STPG2: variants seen among roughly 807,000 people sequenced by gnomAD.
STPG2 encodes sperm-tail PG-rich repeat-containing protein 2.
In STPG2, 56 loss-of-function variants were observed where a neutral mutation model predicts 54.2. That is an observed-to-expected ratio of 1.03 (90% CI 0.83 to 1.29). The LOEUF is 1.29. STPG2 is among the 50% of genes most tolerant of loss of function. The probability of loss-of-function intolerance (pLI) is 0.00; values close to 1 mark genes in which losing one functional copy is unlikely to be tolerated. For missense variants in STPG2, 596 were observed against 544.9 expected, an observed-to-expected ratio of 1.09 and a Z score of -0.93; for synonymous variants, 200 against 181.8, an observed-to-expected ratio of 1.10 and a Z score of -0.81.
chr4:97,671,686 G>C (rs1190685704), intron 10 of STPG2, among the ~76,000 whole-genome samples: 1 of 152,136 alleles, frequency 6.6e-6, no homozygotes, highest in Non-Finnish European at 1.5e-5. Context: ...TTGGGCTAAA[G>C]GAGGCTGAAT....
chr4:98,023,444 A>G (rs1354990381), intron 5 of STPG2, among the ~76,000 whole-genome samples: 2 of 152,138 alleles, frequency 1.3e-5, no homozygotes, highest in Non-Finnish European at 2.9e-5. Context: ...ATCTGCCCCT[A>G]CTGGGGGTGC....
chr4:97,730,656 A>T (rs2149026377), intron 9 of STPG2, among the ~76,000 whole-genome samples: 1 of 152,320 alleles, frequency 6.6e-6, no homozygotes, highest in East Asian at 1.9e-4. Context: ...CAGAAATGCC[A>T]ATGAGTCATT....
At chr4:97,501,632 C>A (rs1730727409) in intron 4 of STPG2, among the ~76,000 whole-genome samples, 1 of 151,424 alleles carries the variant, frequency 6.6e-6, no homozygotes, top group African/African-American at 2.4e-5. Context: ...GAGGTCAAGG[C>A]TTCAGTGAGT....
At chr4:97,631,403 A>C (rs1419242705) in intron 10 of STPG2, among the ~76,000 whole-genome samples, 1 of 152,086 alleles carries the variant, frequency 6.6e-6, no homozygotes, top group East Asian at 1.9e-4. Context: ...TTCTGAAGTT[A>C]AAATTAGCTT....
intron 4 of STPG2, among the ~76,000 whole-genome samples, chr4:97,543,073 T>C (rs1206068551): frequency 5.3e-5 from 8 of 151,842 alleles, no homozygotes; most frequent in Admixed American, 4.6e-4. Context: ...TGTATATATA[T>C]GTAACAAACC....
intron 10 of STPG2, among the ~76,000 whole-genome samples, chr4:97,704,059 A>G (rs531020684): frequency 3.9e-5 from 6 of 152,134 alleles, no homozygotes; most frequent in Admixed American, 1.3e-4. Context: ...CTGTGCTGGC[A>G]GCTGATTAGA....
intron 5 of STPG2, among the ~76,000 whole-genome samples, chr4:98,039,282 T>G (rs1578804577): frequency 6.6e-6 from 1 of 151,560 alleles, no homozygotes; most frequent in African/African-American, 2.4e-5. Flanking sequence ...GGAGGAAAAC[T>G]AATTAAAACA....
At chr4:97,608,144 C>T (rs1408514484) in intron 10 of STPG2, among the ~76,000 whole-genome samples, 2 of 151,890 alleles carry the variant, frequency 1.3e-5, no homozygotes, top group Admixed American at 1.3e-4. Context: ...CAAGTGCAGT[C>T]GAGTCAGTTT....
At chr4:97,937,577 G>C (rs1341589929) in intron 8 of STPG2, among the ~76,000 whole-genome samples, 1 of 152,098 alleles carries the variant, frequency 6.6e-6, no homozygotes, top group Non-Finnish European at 1.5e-5. Context: ...GAACTTTTTT[G>C]TTGATGCTGT....
chr4:97,888,163 G>A (rs1189892803), intron 8 of STPG2, among the ~76,000 whole-genome samples: 2 of 152,188 alleles, frequency 1.3e-5, no homozygotes, highest in Non-Finnish European at 2.9e-5. Context: ...AGTGCAGAGG[G>A]AAAAAGTGGG....
At chr4:98,049,008 G>C (rs1014130974) in intron 5 of STPG2, 1 of 152,082 alleles carries the variant, frequency 6.6e-6, no homozygotes, top group Admixed American at 6.6e-5. Context: ...TACTGAAGGG[G>C]GTTCAGGAGA....
Position 98,033,896 on chromosome 4 carries a change from C to G in STPG2, c.613-52578G>C, listed in dbSNP as rs1736683913. 1.3e-5 allele frequency among the ~76,000 whole-genome samples: 2 copies of G among 152,116 alleles called. 1 individual carries two copies. Among genetic ancestry groups the G allele is most frequent in the Non-Finnish European group, 2.9e-5 (2 of 68,032 alleles). On this transcript the variant is annotated intron_variant, in intron 5 of 10. Coordinates refer to ENST00000295268, the MANE Select transcript of STPG2 (RefSeq NM_174952.3). ...TGCAGAAAAGGCCTTTGACAAAATT[C>G]AACACCCCTTAATGCTAAAAACTCT...
chr4:97,894,104 T>C (rs1578662264), intron 8 of STPG2, among the ~76,000 whole-genome samples: 1 of 152,018 alleles, frequency 6.6e-6, no homozygotes, highest in Non-Finnish European at 1.5e-5. Flanking sequence ...TCTAGATGTA[T>C]AAAAGTTTGG....
Position 97,712,815 on chromosome 4 carries a change from C to A in STPG2, c.1205-1G>T. ...AAAACAGGATTGTATGCTGCAGGAC[C>A]TGAGAGACAACAAATGTAAAAATTA... On this transcript the variant is annotated splice_acceptor_variant, in intron 9 of 10. Coordinates refer to ENST00000295268, the MANE Select transcript of STPG2 (RefSeq NM_174952.3). LOFTEE classifies it high-confidence loss of function. 1 of 1,559,850 alleles carries A rather than the reference C, an allele frequency of 6.4e-7. No homozygotes were observed. Among genetic ancestry groups the A allele is most frequent in the Non-Finnish European group, 8.7e-7 (1 of 1,150,884 alleles).
At position 97,669,514 on chromosome 4, in the gene STPG2, C is replaced by T. The variant is rs993302169; in HGVS notation, c.1320+43185G>A. 6.0e-4 allele frequency among the ~76,000 whole-genome samples: 63 copies of T among 104,332 alleles called. 23 individuals carry two copies. Among genetic ancestry groups the T allele is most frequent in the African/African-American group, 2.4e-3 (60 of 24,674 alleles). The allele number at this position is 104,332 out of a possible 152,430, so 68.4% of individuals were successfully genotyped here. ...TAACTTTTTCTTTGAAAGTTTATTG[C>T]GGCCGGGCGCGGTGGCTCACGCCTG... is the stretch of plus-strand genomic sequence containing the variant. On this transcript the variant is annotated intron_variant, in intron 10 of 10. Transcript: ENST00000295268.
chr4:97,550,867 G>A (rs1305942660), intron 4 of STPG2, among the ~76,000 whole-genome samples: 1 of 152,098 alleles, frequency 6.6e-6, no homozygotes, highest in Non-Finnish European at 1.5e-5. Context: ...CTCCCGGTGG[G>A]TTTGTGGTCT....
At chr4:97,789,922 C>T (rs1031428527) in intron 9 of STPG2, among the ~76,000 whole-genome samples, 6 of 152,092 alleles carry the variant, frequency 3.9e-5, no homozygotes, top group East Asian at 1.9e-4. Context: ...CTCCTTTTGC[C>T]GCTAAAAATG....
At chr4:97,528,176 A>T (rs977674933) in intron 4 of STPG2, among the ~76,000 whole-genome samples, 1 of 152,116 alleles carries the variant, frequency 6.6e-6, no homozygotes, top group South Asian at 2.1e-4. Context: ...TAATTTTTGT[A>T]TAAGGTGTAA....
chr4:97,567,260 A>G (rs1732477957), intron 10 of STPG2, among the ~76,000 whole-genome samples: 1 of 151,238 alleles, frequency 6.6e-6, no homozygotes, highest in African/African-American at 2.4e-5. Flanking sequence ...TTAAAACTGT[A>G]CTGAGAAACT....
Sources: gnomAD v4.1 joint callset for allele counts (sites outside exome capture counted in the v4.1 genomes callset) on GRCh38, gnomAD v4.1.1 for gene constraint, MANE v1.5 for transcripts, NCBI Gene and HGNC (gene_info 2026-07-23, HGNC 2026-07-21) for gene names.